RPAP2: variants seen among roughly 807,000 people sequenced by gnomAD.
RPAP2 encodes putative RNA polymerase II subunit B1 CTD phosphatase RPAP2.
A neutral mutation model predicts 73.1 loss-of-function variants in RPAP2; 52 were observed. The observed-to-expected ratio is 0.71, with a 90% confidence interval of 0.57 to 0.90. The LOEUF is 0.90. Among genes scored for constraint, RPAP2 ranks in the 40% least tolerant of loss-of-function variants. The pLI, the probability that RPAP2 is intolerant of heterozygous loss-of-function variation, is 0.00. For synonymous variants in RPAP2, 225 were observed against 242.1 expected, an observed-to-expected ratio of 0.93 and a Z score of 0.65; for missense variants, 598 against 701.8, an observed-to-expected ratio of 0.85 and a Z score of 1.67.
intron 11 of RPAP2, among the ~76,000 whole-genome samples, chr1:92,350,722 T>C (rs941004406): frequency 1.3e-5 from 2 of 152,084 alleles, no homozygotes; most frequent in Non-Finnish European, 2.9e-5. Context: ...GGCGGATCAG[T>C]TGAAGTCAGG....
At chr1:92,300,391 C>T in intron 2 of RPAP2, 152 bp downstream of exon 2, 1 of 642,438 alleles carries the variant, frequency 1.6e-6, no homozygotes, top group South Asian at 2.0e-5. Context: ...TAAATTCTCA[C>T]ATAGACTGTT....
chr1:92,299,791 G>A (rs1650673307), intron 1 of RPAP2, among the ~76,000 whole-genome samples: 1 of 152,164 alleles, frequency 6.6e-6, no homozygotes, highest in Non-Finnish European at 1.5e-5. Context: ...AAGAAGAAAA[G>A]GTGGTCTACA....
At chr1:92,371,749 A>C (rs1483049431) in intron 11 of RPAP2, among the ~76,000 whole-genome samples, 2 of 151,592 alleles carry the variant, frequency 1.3e-5, no homozygotes, top group Non-Finnish European at 2.9e-5. Context: ...AACCTGGGCC[A>C]GGTGCAGTGG....
chr1:92,300,355 G>A, intron 2 of RPAP2, 116 bp downstream of exon 2: 3 of 773,682 alleles, frequency 3.9e-6, no homozygotes, highest in Non-Finnish European at 6.4e-6. Context: ...ATCATGAGAG[G>A]GAAGGGAAAG....
Position 92,365,713 on chromosome 1 carries a change from C to T in RPAP2, c.1689-15011C>T, listed in dbSNP as rs139646128. Among the ~76,000 whole-genome samples, 45 of 152,214 alleles carry T rather than the reference C, an allele frequency of 3.0e-4. No homozygotes were observed. The East Asian group carries it at 3.7e-3, about 12-fold the overall frequency. ...GCAAAACTGTTGGTTTTCATTTGTACGTTTTATTTGGTTATGACAGATTTC... is the reference window on the plus strand; with the variant it reads ...GCAAAACTGTTGGTTTTCATTTGTATGTTTTATTTGGTTATGACAGATTTC... On this transcript the variant is annotated intron_variant, in intron 11 of 12. Transcript: ENST00000610020.
chr1:92,329,804 C>T (rs1652854189), intron 8 of RPAP2, among the ~76,000 whole-genome samples: 1 of 152,094 alleles, frequency 6.6e-6, no homozygotes, highest in Non-Finnish European at 1.5e-5. Context: ...CTAATATTTG[C>T]CTTAGAATTT....
intron 10 of RPAP2, among the ~76,000 whole-genome samples, chr1:92,340,638 T>G (rs1372053946): frequency 6.6e-6 from 1 of 152,184 alleles, no homozygotes; most frequent in Non-Finnish European, 1.5e-5. Flanking sequence ...GACATTAGTA[T>G]TTTCTAAAAG....
intron 10 of RPAP2, among the ~76,000 whole-genome samples, chr1:92,337,691 A>G (rs1163917182): frequency 6.6e-6 from 1 of 152,068 alleles, no homozygotes; most frequent in Non-Finnish European, 1.5e-5. Flanking sequence ...ACTTTTTTAT[A>G]TCATGATTAG....
intron 12 of RPAP2, among the ~76,000 whole-genome samples, chr1:92,386,685 GT>G (rs1172897424): frequency 6.6e-6 from 1 of 152,020 alleles, no homozygotes; most frequent in Non-Finnish European, 1.5e-5. Context: ...TACTTTACAT[GT>G]TTTTTTGTTG....
intron 11 of RPAP2, among the ~76,000 whole-genome samples, chr1:92,370,916 T>C (rs1421511678): frequency 2.6e-5 from 4 of 152,186 alleles, no homozygotes; most frequent in Admixed American, 6.5e-5. Context: ...ATAACAAGCA[T>C]TGGTGAAGAT....
chr1:92,367,351 CGTTT>C (rs1654972974), intron 11 of RPAP2, among the ~76,000 whole-genome samples: 1 of 152,126 alleles, frequency 6.6e-6, no homozygotes, highest in African/African-American at 2.4e-5. Flanking sequence ...ACGGCTTTTG[CGTTT>C]GTTTGATTGT....
In RPAP2 at chr1:92,305,432, C is replaced by CAAAAAAAAAAAAAAAAAAAAAAAAAAAAA. The variant is rs71091273; in HGVS notation, c.399+1102_399+1103insAAAAAAAAAAAAAAAAAAAAAAAAAAAAA. Among the ~76,000 whole-genome samples, 109 of 52,656 alleles carry CAAAAAAAAAAAAAAAAAAAAAAAAAAAAA rather than the reference C, an allele frequency of 2.1e-3. 3 individuals are homozygous for CAAAAAAAAAAAAAAAAAAAAAAAAAAAAA. Among genetic ancestry groups the CAAAAAAAAAAAAAAAAAAAAAAAAAAAAA allele is most frequent in the East Asian group, 5.5e-3 (4 of 728 alleles). The allele number at this position is 52,656 out of a possible 152,430, so 34.5% of individuals were successfully genotyped here. The stretch of plus-strand genomic sequence containing the variant: ...GGGGCAACAGAGTGAGGCTCCGTCT[C>CAAAAAAAAAAAAAAAAAAAAAAAAAAAAA]AAAAAAAAAAAAAAAAAAAGACAAT... On this transcript the variant is annotated intron_variant, in intron 5 of 12. Coordinates refer to ENST00000610020, the MANE Select transcript of RPAP2 (RefSeq NM_024813.3).
At chr1:92,300,056 T>A in intron 1 of RPAP2, 138 bp from the exon 2 acceptor site, 1 of 622,978 alleles carries the variant, frequency 1.6e-6, no homozygotes. Flanking sequence ...TACTAAGTAC[T>A]GTAGGCAACT....
Position 92,391,643 on chromosome 1 carries a change from A to C in RPAP2, c.*4632A>C, listed in dbSNP as rs762525335. On this transcript the variant is annotated 3_prime_UTR_variant, in exon 13 of 13. Coordinates refer to ENST00000610020, the MANE Select transcript of RPAP2 (RefSeq NM_024813.3). The stretch of plus-strand genomic sequence containing the variant: ...AAATTGATAGACCGTTAGCAAGGCT[A>C]AAAAAGAAGAAAAGAGAGAAGAGTC... 1 of 151,688 alleles carries C rather than the reference A, an allele frequency of 6.6e-6. No homozygotes were observed. The highest frequency in any genetic ancestry group is 1.5e-5 in the Non-Finnish European group (1 of 68,014). The allele number at this position is 151,688 out of a possible 1,614,324, so 9.4% of individuals were successfully genotyped here.
intron 7 of RPAP2, among the ~76,000 whole-genome samples, chr1:92,322,681 C>T (rs1160105464): frequency 1.3e-5 from 2 of 151,838 alleles, no homozygotes; most frequent in East Asian, 3.9e-4. Flanking sequence ...TTGTGACCAG[C>T]CTGGCCAACA....
Position 92,389,553 on chromosome 1 carries a change from T to G in RPAP2, c.*2542T>G, listed in dbSNP as rs943844797. The G allele has an allele frequency of 1.3e-5, 2 of 152,188 alleles. No individual in the cohort carries two copies. Among genetic ancestry groups the G allele is most frequent in the African/African-American group, 4.8e-5 (2 of 41,442 alleles). The allele number at this position is 152,188 out of a possible 1,614,324, so 9.4% of individuals were successfully genotyped here. A position where few individuals can be genotyped will look rare whatever the true frequency, so the allele number is the denominator to read the frequency against. ...TGGACAGAGAATGAGTTTGACAAGT[T>G]GACAGAAGTAGGCTTCAGAAGGTCG... On this transcript the variant is annotated 3_prime_UTR_variant, in exon 13 of 13. Coordinates refer to ENST00000610020, the MANE Select transcript of RPAP2 (RefSeq NM_024813.3).
chr1:92,380,919 G>A (rs1339309305), intron 12 of RPAP2, 46 bp downstream of exon 12: 13 of 1,450,686 alleles, frequency 9.0e-6, no homozygotes, highest in Non-Finnish European at 1.2e-5. Context: ...TTCATTTGTT[G>A]CCTATGTGGA....
In RPAP2 at chr1:92,393,286, A is replaced by C. The variant is rs1363993407; in HGVS notation, c.*6275A>C. 6.6e-6 allele frequency: 1 copy of C among 152,216 alleles called. No homozygotes were observed. The highest frequency in any genetic ancestry group is 2.4e-5 in the African/African-American group (1 of 41,452). The allele number at this position is 152,216 out of a possible 1,614,324, so 9.4% of individuals were successfully genotyped here. On this transcript the variant is annotated 3_prime_UTR_variant, in exon 13 of 13. Coordinates refer to ENST00000610020, the MANE Select transcript of RPAP2 (RefSeq NM_024813.3). Reference sequence around the variant, plus strand: ...GAAAACGGGCTAGCCATATGCAGAAAACTGTAACTGGACCCTTTCCTTACA... The same window carrying C: ...GAAAACGGGCTAGCCATATGCAGAACACTGTAACTGGACCCTTTCCTTACA...
intron 11 of RPAP2, among the ~76,000 whole-genome samples, chr1:92,369,650 G>A (rs748778051): frequency 6.6e-6 from 1 of 152,112 alleles, no homozygotes; most frequent in Non-Finnish European, 1.5e-5. Context: ...GATTGGAATA[G>A]AGGCTTGAGT....
Sources: gnomAD v4.1 joint callset for allele counts (sites outside exome capture counted in the v4.1 genomes callset) on GRCh38, gnomAD v4.1.1 for gene constraint, MANE v1.5 for transcripts, NCBI Gene and HGNC (gene_info 2026-07-23, HGNC 2026-07-21) for gene names.